The following FAT3 variants were observed in gnomAD, a reference collection of about 807,000 sequenced individuals.
FAT3 encodes FAT atypical cadherin 3.
FAT3 carries 95 observed loss-of-function variants against 310.2 expected under a neutral mutation model. The observed-to-expected ratio is 0.31, with a 90% confidence interval of 0.26 to 0.36. FAT3 has a LOEUF of 0.36. Among genes scored for constraint, FAT3 ranks in the 10% least tolerant of loss-of-function variants. The pLI, the probability that FAT3 is intolerant of heterozygous loss-of-function variation, is 1.00. For synonymous variants in FAT3, 2,314 were observed against 2,192.9 expected, an observed-to-expected ratio of 1.06 and a Z score of -1.54; for missense variants, 5,408 against 5,715.6, an observed-to-expected ratio of 0.95 and a Z score of 1.74.
At chr11:92,287,513 T>G (rs1195137448) in intron 1 of FAT3, among the ~76,000 whole-genome samples, 1 of 152,150 alleles carries the variant, frequency 6.6e-6, no homozygotes, top group Non-Finnish European at 1.5e-5. Flanking sequence ...TTTAGTTACT[T>G]TAGAGCTGGG....
intron 2 of FAT3, chr11:92,408,244 C>T (rs2134902344): frequency 6.6e-6 from 1 of 152,222 alleles, no homozygotes; most frequent in Admixed American, 6.5e-5. Context: ...CCTATCAGAC[C>T]AAGACCCCAC....
At chr11:92,517,082 A>C (rs1953511121) in intron 2 of FAT3, among the ~76,000 whole-genome samples, 1 of 152,216 alleles carries the variant, frequency 6.6e-6, no homozygotes, top group African/African-American at 2.4e-5. Flanking sequence ...ATTCAATGCT[A>C]TCCCCATCAA....
chr11:92,854,223 C>T (rs942503546), intron 19 of FAT3, among the ~76,000 whole-genome samples: 1 of 152,184 alleles, frequency 6.6e-6, no homozygotes, highest in Non-Finnish European at 1.5e-5. Context: ...AACTTCGCTT[C>T]AAAATTGGAG....
intron 3 of FAT3, among the ~76,000 whole-genome samples, chr11:92,635,511 A>G (rs1471574692): frequency 2.0e-5 from 3 of 152,216 alleles, no homozygotes; most frequent in South Asian, 4.1e-4. Flanking sequence ...CTTACGCATT[A>G]TGTTTTAATT....
At chr11:92,486,129 G>GTTTTTT (rs1565353395) in intron 2 of FAT3, among the ~76,000 whole-genome samples, 38 of 27,678 alleles carry the variant, frequency 1.4e-3, no homozygotes, top group African/African-American at 2.6e-3. Flanking sequence ...AGGCTGCTGG[G>GTTTTTT]GTTTTTTTTT....
intron 3 of FAT3, among the ~76,000 whole-genome samples, chr11:92,554,558 G>A (rs1267232520): frequency 1.3e-5 from 2 of 148,652 alleles, no homozygotes; most frequent in Admixed American, 6.7e-5. Context: ...AGGGGATACT[G>A]TAGAAGTAGG....
At chr11:92,818,546 C>G (rs1468637139) in intron 13 of FAT3, among the ~76,000 whole-genome samples, 1 of 152,164 alleles carries the variant, frequency 6.6e-6, no homozygotes. Flanking sequence ...TGGGTTTCTC[C>G]AGACCCTGGA....
At chr11:92,756,915 C>CTTTTT (rs1439645651) in intron 4 of FAT3, among the ~76,000 whole-genome samples, 2 of 120,354 alleles carry the variant, frequency 1.7e-5, no homozygotes, top group African/African-American at 7.5e-5. Context: ...TTTGTGGCTC[C>CTTTTT]ATTTTTTTTT....
At chr11:92,845,793 G>A (rs920335828) in intron 19 of FAT3, among the ~76,000 whole-genome samples, 6 of 152,140 alleles carry the variant, frequency 3.9e-5, no homozygotes, top group Non-Finnish European at 5.9e-5. Flanking sequence ...GCAGGGCCCC[G>A]GCCTCTTCCC....
rs1948615610 is a variant in FAT3, at chr11:92,353,109, G to T, written c.997G>T (p.Asp333Tyr). Residue 333 changes from aspartate to tyrosine, a missense_variant, in exon 2 of 28, where the codon GAC becomes TAC. Physicochemically the swap from Asp to Tyr is radical, Grantham distance 160 (BLOSUM62 -3). Around this residue, in one of 5 missense-constraint regions of FAT3, gnomAD observed 4,588 missense variants for 4,809.8 expected, o/e 0.95. Transcript: ENST00000525166. ...CAAGATTAAGGAGAGGAAGCAGATT[G>T]ACTGGGAGAGCTTTCCCTATGGCTA... ...EYKIKERKQI[D>Y]WESFPYGYNL... The T allele has an allele frequency of 4.3e-6, 7 of 1,613,678 alleles. No individual in the cohort carries two copies. The highest frequency in any genetic ancestry group is 5.1e-6 in the Non-Finnish European group (6 of 1,179,868).
intron 4 of FAT3, among the ~76,000 whole-genome samples, chr11:92,728,644 C>T (rs1259734712): frequency 4.6e-5 from 7 of 152,090 alleles, no homozygotes; most frequent in South Asian, 2.1e-4. Flanking sequence ...GGAAGTTCAA[C>T]GTCAATTTCA....
Position 92,412,754 on chromosome 11 carries a change from T to TATATATATATATACACAC in FAT3, c.3292+57351_3292+57352insTATATATATATACACACA, listed in dbSNP as rs1565296585. Among the ~76,000 whole-genome samples, 66 of 94,938 alleles carry TATATATATATATACACAC rather than the reference T, an allele frequency of 7.0e-4. 4 individuals are homozygous for TATATATATATATACACAC. Among genetic ancestry groups the TATATATATATATACACAC allele is most frequent in the Admixed American group, 1.5e-3 (14 of 9,126 alleles). The allele number at this position is 94,938 out of a possible 152,430, so 62.3% of individuals were successfully genotyped here. ...ATATATATATATATATAAATATACA[T>TATATATATATATACACAC]ACATATATATATATTTAATGTAAGA... On this transcript the variant is annotated intron_variant, in intron 2 of 27. Coordinates refer to ENST00000525166, the MANE Select transcript of FAT3 (RefSeq NM_001367949.2).
chr11:92,447,072 A>G (rs1951229358), intron 2 of FAT3, among the ~76,000 whole-genome samples: 1 of 152,198 alleles, frequency 6.6e-6, no homozygotes, highest in Non-Finnish European at 1.5e-5. Flanking sequence ...CAAATTAGCC[A>G]AAAAGTGTTG....
In FAT3 at chr11:92,694,064, T is replaced by G. The variant is rs542386602; in HGVS notation, c.3608-3320T>G. On this transcript the variant is annotated intron_variant, in intron 3 of 27. Coordinates refer to ENST00000525166, the MANE Select transcript of FAT3 (RefSeq NM_001367949.2). ...TCTAACAGCTTTATTAGCATATAAT[T>G]TACATGCAATAAACTTCACCTATTC... 3.5e-4 allele frequency among the ~76,000 whole-genome samples: 54 copies of G among 152,296 alleles called. No individual in the cohort carries two copies. The South Asian group carries it at 0.011, about 31-fold the overall frequency.
chr11:92,616,255 C>G (rs1423970370), intron 3 of FAT3, among the ~76,000 whole-genome samples: 1 of 152,034 alleles, frequency 6.6e-6, no homozygotes, highest in East Asian at 1.9e-4. Context: ...CTCTTTTGAT[C>G]TTTGTTGGTT....
At chr11:92,593,572 T>C (rs894259446) in intron 3 of FAT3, among the ~76,000 whole-genome samples, 1 of 152,122 alleles carries the variant, frequency 6.6e-6, no homozygotes, top group East Asian at 1.9e-4. Context: ...TTATAGTCAG[T>C]TGGCTGGTCA....
intron 1 of FAT3, among the ~76,000 whole-genome samples, chr11:92,230,429 G>A (rs887448192): frequency 4.6e-5 from 7 of 151,442 alleles, no homozygotes; most frequent in Non-Finnish European, 8.8e-5. Flanking sequence ...GAGTAACTGG[G>A]ATTACAGGCG....
At chr11:92,440,277 G>A (rs1951036635) in intron 2 of FAT3, among the ~76,000 whole-genome samples, 1 of 152,166 alleles carries the variant, frequency 6.6e-6, no homozygotes, top group South Asian at 2.1e-4. Context: ...GGCAGGGAAA[G>A]GAAAGGAGTC....
intron 21 of FAT3, among the ~76,000 whole-genome samples, chr11:92,859,552 G>A (rs1949070268): frequency 6.6e-6 from 1 of 152,192 alleles, no homozygotes; most frequent in Non-Finnish European, 1.5e-5. Context: ...TCTCTTGAGA[G>A]CGGGTTCAAG....
Sources: allele counts gnomAD v4.1 joint callset (sites outside exome capture counted in the v4.1 genomes callset), GRCh38; gene constraint gnomAD v4.1.1; regional missense constraint gnomAD v4.1.1; transcripts MANE v1.5; gene names NCBI Gene and HGNC (gene_info 2026-07-23, HGNC 2026-07-21).